CDH13: variants seen among roughly 807,000 people sequenced by gnomAD.
CDH13 encodes the protein cadherin 13.
Under a neutral mutation model 63.8 loss-of-function variants are expected in CDH13, and 24 were observed. The observed-to-expected ratio is 0.38, with a 90% confidence interval of 0.27 to 0.53. The LOEUF (loss-of-function observed/expected upper bound fraction) is 0.53. Ranked by LOEUF, CDH13 falls within the 20% of genes least tolerant of loss-of-function variation. The pLI, the probability that CDH13 is intolerant of heterozygous loss-of-function variation, is 0.85. For missense variants in CDH13, 1,049 were observed against 903.1 expected (o/e 1.16, Z -2.07); for synonymous variants, 503 against 355.3 (o/e 1.42, Z -4.67).
chr16:82,699,560 C>T (rs981544889), intron 1 of CDH13, among the ~76,000 whole-genome samples: 1 of 152,198 alleles, frequency 6.6e-6, no homozygotes, highest in African/African-American at 2.4e-5. Context: ...AGCAAGATTT[C>T]CTCTCCACTA....
intron 8 of CDH13, among the ~76,000 whole-genome samples, chr16:83,619,161 C>T (rs1326384515): frequency 6.6e-6 from 1 of 152,186 alleles, no homozygotes; most frequent in Non-Finnish European, 1.5e-5. Context: ...CCTGCTTGCC[C>T]ATCAGACATG....
chr16:83,497,275 T>A (rs913020765), intron 7 of CDH13, among the ~76,000 whole-genome samples: 4 of 151,802 alleles, frequency 2.6e-5, no homozygotes, highest in Admixed American at 1.3e-4. Context: ...TGTCCAACAA[T>A]GATAGACTGG....
intron 2 of CDH13, among the ~76,000 whole-genome samples, chr16:83,004,332 C>G (rs1597391421): frequency 6.6e-6 from 1 of 152,316 alleles, no homozygotes; most frequent in East Asian, 1.9e-4. Flanking sequence ...TATGCCAGCT[C>G]AGACCTGGGC....
At chr16:83,491,522 G>C (rs964419311) in intron 7 of CDH13, among the ~76,000 whole-genome samples, 9 of 150,804 alleles carry the variant, frequency 6.0e-5, no homozygotes, top group African/African-American at 2.2e-4. Flanking sequence ...CCAGCTTTCT[G>C]AACACAGCCA....
At chr16:83,161,194 AAG>A (rs1375756241) in intron 4 of CDH13, among the ~76,000 whole-genome samples, 5 of 152,170 alleles carry the variant, frequency 3.3e-5, no homozygotes, top group Non-Finnish European at 5.9e-5. Context: ...AAATTAATTA[AAG>A]CCTCCAGTTT....
At chr16:83,668,066 C>T (rs972786054) in intron 8 of CDH13, among the ~76,000 whole-genome samples, 5 of 152,168 alleles carry the variant, frequency 3.3e-5, no homozygotes, top group South Asian at 2.1e-4. Context: ...TCTGCTGGAG[C>T]ACAGGGAAGA....
chr16:83,341,740 C>T (rs918766), intron 5 of CDH13, among the ~76,000 whole-genome samples: 35,839 of 151,942 alleles, frequency 0.24, 4,480 homozygotes, highest in East Asian at 0.36. Context: ...TTACTCCATT[C>T]GGAGTTGAGC....
chr16:83,036,301 C>G (rs986800282), intron 3 of CDH13, among the ~76,000 whole-genome samples: 5 of 151,982 alleles, frequency 3.3e-5, no homozygotes, highest in African/African-American at 7.3e-5. Context: ...AGGCACCCAC[C>G]ACCACACCTG....
intron 3 of CDH13, among the ~76,000 whole-genome samples, chr16:83,087,388 A>G (rs8055166): frequency 0.56 from 84,513 of 151,900 alleles, 24,421 homozygotes; most frequent in African/African-American, 0.72. Context: ...GCTTAGCACC[A>G]GCTGGACACG....
At chr16:82,795,915 C>T (rs998268833) in intron 1 of CDH13, among the ~76,000 whole-genome samples, 4 of 150,696 alleles carry the variant, frequency 2.7e-5, no homozygotes, top group African/African-American at 9.7e-5. Flanking sequence ...ATTCGCTTAA[C>T]ACAGTGGAAA....
At chr16:83,511,692 A>G (rs528874932) in intron 7 of CDH13, among the ~76,000 whole-genome samples, 3 of 152,334 alleles carry the variant, frequency 2.0e-5, no homozygotes, top group South Asian at 4.1e-4. Context: ...AGTAAGAAGA[A>G]GAAAAAAGTA....
intron 7 of CDH13, among the ~76,000 whole-genome samples, chr16:83,521,681 C>G (rs77187886): frequency 6.6e-6 from 1 of 152,148 alleles, no homozygotes; most frequent in Non-Finnish European, 1.5e-5. Context: ...ACCAGCCACC[C>G]CCGGAAAAGA....
intron 5 of CDH13, among the ~76,000 whole-genome samples, chr16:83,234,875 C>T (rs991402407): frequency 6.6e-6 from 1 of 152,094 alleles, no homozygotes; most frequent in Non-Finnish European, 1.5e-5. Context: ...CCCTCCAGAG[C>T]CCAAGCTCCA....
chr16:82,981,978 T>A (rs1910322792), intron 2 of CDH13, among the ~76,000 whole-genome samples: 1 of 152,228 alleles, frequency 6.6e-6, no homozygotes, highest in South Asian at 2.1e-4. Context: ...GTCTGAATGC[T>A]GTTGCTTGCC....
chr16:82,977,481 C>G (rs1013342584), intron 2 of CDH13, among the ~76,000 whole-genome samples: 1 of 152,172 alleles, frequency 6.6e-6, no homozygotes, highest in Non-Finnish European at 1.5e-5. Flanking sequence ...AGTGAGTTCT[C>G]ACGAGATGTG....
At chr16:82,646,119 C>G (rs1306751426) in intron 1 of CDH13, 1 of 152,238 alleles carries the variant, frequency 6.6e-6, no homozygotes, top group East Asian at 1.9e-4. Flanking sequence ...TGACTGATAA[C>G]CAAAGGATGT....
chr16:83,365,281 T>A (rs747349442), intron 6 of CDH13, among the ~76,000 whole-genome samples: 1 of 152,192 alleles, frequency 6.6e-6, no homozygotes, highest in East Asian at 1.9e-4. Context: ...GGACTGATGT[T>A]GTAGTTCAAG....
At chr16:83,659,608 A>C (rs959718890) in intron 8 of CDH13, among the ~76,000 whole-genome samples, 1 of 152,230 alleles carries the variant, frequency 6.6e-6, no homozygotes, top group Non-Finnish European at 1.5e-5. Flanking sequence ...CTCTGAAAGC[A>C]GGACCCCATA....
In CDH13 at chr16:83,777,293, A is replaced by T. The variant is rs8062761; in HGVS notation, c.1682-2675A>T. On this transcript the variant is annotated intron_variant, in intron 11 of 13. Transcript: ENST00000567109. ...ATTGGTACAGGTCCCTTGTGATGCT[A>T]CTCAAGGCCCTCCAGGAGCCCATGC... Among the ~76,000 whole-genome samples the T allele has an allele frequency of 4.8e-3, 728 of 152,142 alleles. 3 individuals carry two copies. Among genetic ancestry groups the T allele is most frequent in the African/African-American group, 0.017 (694 of 41,510 alleles).
Sources: allele counts gnomAD v4.1 joint callset (sites outside exome capture counted in the v4.1 genomes callset), GRCh38; gene constraint gnomAD v4.1.1; transcripts MANE v1.5; gene names NCBI Gene and HGNC (gene_info 2026-07-23, HGNC 2026-07-21).